The following RIOX2 variants were observed in gnomAD, a reference collection of about 807,000 sequenced individuals.
RIOX2 encodes the protein ribosomal oxygenase 2, also known as 60S ribosomal protein L27a histidine hydroxylase.
RIOX2 carries 43 observed loss-of-function variants against 51.2 expected under a neutral mutation model. The ratio of observed to expected loss-of-function variants is 0.84; its 90% CI spans 0.66 to 1.08. The LOEUF (loss-of-function observed/expected upper bound fraction) is 1.08. Among genes scored for constraint, RIOX2 ranks in the 50% least tolerant of loss-of-function variants. RIOX2 has a pLI of 0.00. For missense variants in RIOX2, 566 were observed against 561.7 expected, an observed-to-expected ratio of 1.01 and a Z score of -0.08; for synonymous variants, 226 against 218.5, an observed-to-expected ratio of 1.03 and a Z score of -0.30.
At chr3:97,963,004 T>C (rs1705745075) in intron 2 of RIOX2, among the ~76,000 whole-genome samples, 2 of 152,226 alleles carry the variant, frequency 1.3e-5, no homozygotes, top group African/African-American at 4.8e-5. Context: ...ATTTAAATAC[T>C]TGCTGAGCAA....
At chr3:97,945,954 G>C in intron 8 of RIOX2, 67 bp from the exon 9 acceptor site, 1 of 1,174,812 alleles carries the variant, frequency 8.5e-7, no homozygotes, top group Non-Finnish European at 1.2e-6. Flanking sequence ...GTACTAGGAA[G>C]GTTTTCCAAT....
At position 97,943,031 on chromosome 3, in the gene RIOX2, T is replaced by C. The variant is rs182418356; in HGVS notation, c.*2153A>G. On this transcript the variant is annotated 3_prime_UTR_variant, in exon 10 of 10. Transcript: ENST00000394198. ...GTATTATACCTTTTAGTATTTCAAT[T>C]TGAGTCATAATAAGGTCCAATTTGA... is the stretch of plus-strand genomic sequence containing the variant. 596 of 551,578 alleles carry C rather than the reference T, an allele frequency of 1.1e-3. No homozygotes were observed. Among genetic ancestry groups the C allele is most frequent in the Non-Finnish European group, 1.6e-3 (510 of 314,512 alleles). The allele number at this position is 551,578 out of a possible 1,614,324, so 34.2% of individuals were successfully genotyped here. A position where few individuals can be genotyped will look rare whatever the true frequency, so the allele number is the denominator to read the frequency against.
chr3:97,963,281 G>A (rs1324136676), intron 2 of RIOX2, among the ~76,000 whole-genome samples: 1 of 152,102 alleles, frequency 6.6e-6, no homozygotes, highest in African/African-American at 2.4e-5. Flanking sequence ...ATGCTACCAT[G>A]CCCGGCTAAT....
chr3:97,967,621 G>C lies in RIOX2; in HGVS notation c.-28C>G. 1.3e-6 allele frequency: 2 copies of C among 1,529,734 alleles called. No homozygotes were observed. The highest frequency in any genetic ancestry group is 1.4e-5 in the African/African-American group (1 of 72,118). 94.8% of individuals were successfully genotyped at this position (1,529,734 alleles called of 1,614,324 possible). A position where few individuals can be genotyped will look rare whatever the true frequency, so the allele number is the denominator to read the frequency against. On this transcript the variant is annotated 5_prime_UTR_variant, in exon 2 of 10. Coordinates refer to ENST00000394198, the MANE Select transcript of RIOX2 (RefSeq NM_153182.4). ...TTCTGTCTTCAAGACAAAGCAGTAAGGAAATGCAAACCTACCAAAAGAACA... is the reference window on the plus strand; with the variant it reads ...TTCTGTCTTCAAGACAAAGCAGTAACGAAATGCAAACCTACCAAAAGAACA...
At chr3:97,962,570 A>G (rs1705727529) in intron 2 of RIOX2, among the ~76,000 whole-genome samples, 1 of 152,214 alleles carries the variant, frequency 6.6e-6, no homozygotes, top group Admixed American at 6.5e-5. Flanking sequence ...TCTTCAGAGC[A>G]GACATCAGAC....
At chr3:97,957,017 C>T (rs553437136) in intron 4 of RIOX2, among the ~76,000 whole-genome samples, 2 of 152,276 alleles carry the variant, frequency 1.3e-5, no homozygotes, top group South Asian at 2.1e-4. Context: ...GTGATCTCAT[C>T]CTGGGAGTCT....
At chr3:97,964,593 G>C (rs972236238) in intron 2 of RIOX2, among the ~76,000 whole-genome samples, 1 of 150,888 alleles carries the variant, frequency 6.6e-6, no homozygotes, top group Admixed American at 6.6e-5. Context: ...CTACTCAGGA[G>C]GTCCAAGGCA....
intron 1 of RIOX2, 61 bp downstream of exon 1, chr3:97,972,320 G>A (rs1359559673): frequency 6.6e-6 from 1 of 151,988 alleles, no homozygotes; most frequent in Non-Finnish European, 1.5e-5. Context: ...CGCGCCCCGC[G>A]GGATCGGGCA....
rs761734931 is a variant in RIOX2, at chr3:97,967,532, T to A, written c.62A>T (p.Gln21Leu). Residue 21 changes from glutamine to leucine, a missense_variant, in exon 2 of 10, where the codon CAG becomes CTG. Transcript: ENST00000394198. ...GKEEGPAPCK[Q>L]MKLEAAGGPS... ...CCCCCCAGCTGCTTCTAACTTCATCTGCTTACAGGGAGCCGGCCCCTCTTC... is the reference window on the plus strand; with the variant it reads ...CCCCCCAGCTGCTTCTAACTTCATCAGCTTACAGGGAGCCGGCCCCTCTTC... 3.1e-6 allele frequency: 5 copies of A among 1,613,708 alleles called. No homozygotes were observed. The highest frequency in any genetic ancestry group is 4.2e-6 in the Non-Finnish European group (5 of 1,179,876).
intron 1 of RIOX2, chr3:97,971,622 AG>A (rs1218245997): frequency 6.6e-6 from 1 of 152,222 alleles, no homozygotes; most frequent in African/African-American, 2.4e-5. Context: ...GAGGTTACAA[AG>A]CTTGATGTCC....
chr3:97,944,824 A>G lies in RIOX2; in HGVS notation c.*360T>C, dbSNP rs2040315919. 6.2e-6 allele frequency: 1 copy of G among 160,836 alleles called. No homozygotes were observed. The highest frequency in any genetic ancestry group is 6.4e-5 in the Admixed American group (1 of 15,510). The allele number at this position is 160,836 out of a possible 1,614,324, so 10.0% of individuals were successfully genotyped here. ...TTTTTTCTTATTTTAATTGTTTGAA[A>G]TTTTTCTAGAGCCAAAGAAGCTCTT... is the stretch of plus-strand genomic sequence containing the variant. On this transcript the variant is annotated 3_prime_UTR_variant, in exon 10 of 10. Coordinates refer to ENST00000394198, the MANE Select transcript of RIOX2 (RefSeq NM_153182.4).
At chr3:97,952,503 G>A (rs1441319413) in intron 5 of RIOX2, among the ~76,000 whole-genome samples, 1 of 152,210 alleles carries the variant, frequency 6.6e-6, no homozygotes, top group Non-Finnish European at 1.5e-5. Flanking sequence ...GTAGCAACTG[G>A]TGATGGCCTA....
At chr3:97,954,685 G>A (rs1267831731) in intron 4 of RIOX2, among the ~76,000 whole-genome samples, 190 bp from the exon 5 acceptor site, 1 of 151,990 alleles carries the variant, frequency 6.6e-6, no homozygotes, top group Non-Finnish European at 1.5e-5. Flanking sequence ...CCGTGAGCCT[G>A]TCACTGTTAA....
intron 4 of RIOX2, among the ~76,000 whole-genome samples, chr3:97,955,973 C>T (rs1705435981): frequency 6.6e-6 from 1 of 152,138 alleles, no homozygotes; most frequent in African/African-American, 2.4e-5. Flanking sequence ...ATAAATGGTA[C>T]ATCTACATAG....
intron 9 of RIOX2, 121 bp from the exon 10 acceptor site, chr3:97,945,463 G>C (rs2040332577): frequency 3.6e-6 from 3 of 842,836 alleles, no homozygotes; most frequent in Middle Eastern, 3.3e-4. Flanking sequence ...GAGTATTTTA[G>C]ACACACTACA....
Position 97,942,519 on chromosome 3 carries a change from G to T in RIOX2, c.*2665C>A. ...TCCAAATCTCCTCATTTTGGGTAAA[G>T]GACATCCTTATGTATAAGAGAAATG... On this transcript the variant is annotated 3_prime_UTR_variant, in exon 10 of 10. Coordinates refer to ENST00000394198, the MANE Select transcript of RIOX2 (RefSeq NM_153182.4). The T allele has an allele frequency of 7.6e-7, 1 of 1,314,498 alleles. No individual in the cohort carries two copies. Among genetic ancestry groups the T allele is most frequent in the Non-Finnish European group, 1.0e-6 (1 of 961,312 alleles). The allele number at this position is 1,314,498 out of a possible 1,614,324, so 81.4% of individuals were successfully genotyped here.
At chr3:97,955,259 T>C (rs1705407387) in intron 4 of RIOX2, among the ~76,000 whole-genome samples, 1 of 152,066 alleles carries the variant, frequency 6.6e-6, no homozygotes, top group Admixed American at 6.5e-5. Flanking sequence ...AATCAAAAAT[T>C]CATCATTTTC....
At chr3:97,948,102 A>C (rs2040405408) in intron 7 of RIOX2, among the ~76,000 whole-genome samples, 3 of 152,176 alleles carry the variant, frequency 2.0e-5, no homozygotes, top group Admixed American at 6.6e-5. Flanking sequence ...AAAACACTGA[A>C]GTAGTCTGGG....
At chr3:97,949,285 G>C (rs532111409) in intron 7 of RIOX2, among the ~76,000 whole-genome samples, 164 of 152,100 alleles carry the variant, frequency 1.1e-3, no homozygotes, top group African/African-American at 3.9e-3. Flanking sequence ...ACTTCTCCTC[G>C]CTCTTGCTTC....
Sources: gnomAD v4.1 joint callset for allele counts (sites outside exome capture counted in the v4.1 genomes callset) on GRCh38, gnomAD v4.1.1 for gene constraint, MANE v1.5 for transcripts, NCBI Gene and HGNC (gene_info 2026-07-23, HGNC 2026-07-21) for gene names.